FAT3: variants seen among roughly 807,000 people sequenced by gnomAD.
FAT3 encodes FAT atypical cadherin 3, also known as protocadherin Fat 3.
In FAT3, 95 loss-of-function variants were observed where a neutral mutation model predicts 310.2. That is an observed-to-expected ratio of 0.31 (90% CI 0.26 to 0.36). The LOEUF (loss-of-function observed/expected upper bound fraction) is 0.36, where lower values mean the gene tolerates loss of function less well. Ranked by LOEUF, FAT3 falls within the 10% of genes least tolerant of loss-of-function variation. FAT3 has a pLI of 1.00. For missense variants in FAT3, 5,408 were observed against 5,715.6 expected (o/e 0.95, Z 1.74); for synonymous variants, 2,314 against 2,192.9 (o/e 1.06, Z -1.54).
intron 2 of FAT3, among the ~76,000 whole-genome samples, chr11:92,392,365 G>A (rs769016191): frequency 6.6e-6 from 1 of 152,080 alleles, no homozygotes; most frequent in Non-Finnish European, 1.5e-5. Context: ...CTATTTTCAT[G>A]TTTAAGAGAT....
At chr11:92,450,164 C>T (rs1030589663) in intron 2 of FAT3, among the ~76,000 whole-genome samples, 2 of 152,182 alleles carry the variant, frequency 1.3e-5, no homozygotes, top group Admixed American at 1.3e-4. Flanking sequence ...TTGGCAGCCT[C>T]GTTGAGGTTT....
At chr11:92,281,136 G>A (rs1159966626) in intron 1 of FAT3, among the ~76,000 whole-genome samples, 1 of 151,958 alleles carries the variant, frequency 6.6e-6, no homozygotes, top group African/African-American at 2.4e-5. Flanking sequence ...AAAATTTTTT[G>A]ATAAGATAAA....
intron 4 of FAT3, among the ~76,000 whole-genome samples, chr11:92,733,932 A>G (rs924043525): frequency 6.6e-6 from 1 of 152,208 alleles, no homozygotes; most frequent in South Asian, 2.1e-4. Context: ...CTGATATTCA[A>G]TTAACAGAGC....
At chr11:92,857,634 G>A (rs1405113393) in intron 20 of FAT3, among the ~76,000 whole-genome samples, 4 of 152,196 alleles carry the variant, frequency 2.6e-5, no homozygotes, top group East Asian at 1.9e-4. Flanking sequence ...GTGTGAAATT[G>A]TGGAAAATAA....
At chr11:92,242,626 C>T (rs148767610) in intron 1 of FAT3, among the ~76,000 whole-genome samples, 1 of 151,962 alleles carries the variant, frequency 6.6e-6, no homozygotes, top group African/African-American at 2.4e-5. Context: ...TGAAATGAGA[C>T]CTATAGGCAA....
chr11:92,340,796 G>A (rs541654365), intron 1 of FAT3, among the ~76,000 whole-genome samples: 2 of 152,264 alleles, frequency 1.3e-5, no homozygotes, highest in East Asian at 1.9e-4. Context: ...CAGGCAATGT[G>A]GGCTTATATG....
intron 3 of FAT3, among the ~76,000 whole-genome samples, chr11:92,658,323 T>G (rs577632): frequency 0.49 from 74,561 of 152,018 alleles, 18,541 homozygotes; most frequent in African/African-American, 0.52. Flanking sequence ...TTGAACTATT[T>G]AAAATTAAGT....
rs1003800306 is a variant in FAT3, at chr11:92,765,041, G to A, written c.4147G>A (p.Val1383Met). The A allele has an allele frequency of 5.0e-5, 80 of 1,613,594 alleles. No homozygotes were observed. Among genetic ancestry groups the A allele is most frequent in the Non-Finnish European group, 6.5e-5 (77 of 1,179,844 alleles). Residue 1383 changes from valine (V) to methionine (M), a missense_variant, in exon 6 of 28, where the codon GTG becomes ATG. Around this residue, in one of 5 missense-constraint regions of FAT3, gnomAD observed 4,588 missense variants for 4,809.8 expected, o/e 0.95. Transcript: ENST00000525166. ...TGATAGAGTGACTGAAATTGTAGGG[G>A]TGGTGTCTGTGCAGCCAGCTAACAC... ...ESDRVTEIVG[V>M]VSVQPANTPL... is the part of the protein sequence containing the mutation.
intron 3 of FAT3, among the ~76,000 whole-genome samples, chr11:92,678,898 A>G (rs1207825008): frequency 6.6e-6 from 1 of 152,198 alleles, no homozygotes; most frequent in Non-Finnish European, 1.5e-5. Flanking sequence ...GGGTCTATCC[A>G]TCACCCAAAT....
intron 4 of FAT3, among the ~76,000 whole-genome samples, chr11:92,717,454 C>T (rs1039390507): frequency 6.6e-6 from 1 of 152,154 alleles, no homozygotes; most frequent in Admixed American, 6.5e-5. Context: ...CATCATGACT[C>T]ACCCTCCTAC....
At chr11:92,530,404 A>G (rs189795131) in intron 3 of FAT3, among the ~76,000 whole-genome samples, 26 of 152,236 alleles carry the variant, frequency 1.7e-4, no homozygotes, top group African/African-American at 5.3e-4. Flanking sequence ...AAGACAGCAA[A>G]CTTTATGAGT....
At chr11:92,372,313 G>C (rs1386810197) in intron 2 of FAT3, among the ~76,000 whole-genome samples, 1 of 151,750 alleles carries the variant, frequency 6.6e-6, no homozygotes, top group African/African-American at 2.4e-5. Flanking sequence ...GTTCTTATCA[G>C]GGAGTAGGGT....
intron 3 of FAT3, among the ~76,000 whole-genome samples, chr11:92,561,843 C>A (rs1054986782): frequency 6.6e-6 from 1 of 152,094 alleles, no homozygotes; most frequent in Non-Finnish European, 1.5e-5. Flanking sequence ...CCACGCTGAT[C>A]TCGAACACCT....
intron 4 of FAT3, among the ~76,000 whole-genome samples, chr11:92,727,851 C>T (rs1027498867): frequency 6.6e-5 from 10 of 152,242 alleles, no homozygotes; most frequent in South Asian, 6.2e-4. Context: ...TTGCAACCCC[C>T]GTTGCCATTT....
intron 21 of FAT3, 93 bp downstream of exon 21, chr11:92,859,415 T>TAAA: frequency 2.3e-6 from 3 of 1,312,454 alleles, no homozygotes; most frequent in Non-Finnish European, 3.0e-6. Flanking sequence ...TTTTGTCTTT[T>TAAA]AAGTTCAGAA....
Position 92,798,678 on chromosome 11 carries a change from G to A in FAT3, c.5665G>A (p.Glu1889Lys). The change falls in exon 10 of 28, where the codon GAG (glutamate) becomes AAG (lysine). Residue 1889 changes from glutamate (E) to lysine (K), a missense_variant. Physicochemically the swap from Glu to Lys is moderately conservative, Grantham distance 56. Coordinates refer to ENST00000525166, the MANE Select transcript of FAT3 (RefSeq NM_001367949.2). ...NPPVFTQAVF[E>K]TILLLPTYVG... ...ACCTGTTTTTACTCAGGCTGTGTTT[G>A]AGACTATCTTACTTCTACCTACCTA... 1 of 1,613,770 alleles carries A rather than the reference G, an allele frequency of 6.2e-7. No homozygotes were observed. Among genetic ancestry groups the A allele is most frequent in the Non-Finnish European group, 8.5e-7 (1 of 1,179,826 alleles).
intron 2 of FAT3, among the ~76,000 whole-genome samples, chr11:92,396,067 G>T (rs1949862833): frequency 1.3e-5 from 2 of 152,094 alleles, no homozygotes; most frequent in African/African-American, 4.8e-5. Flanking sequence ...TCAGTCATGG[G>T]CACATCCAGA....
intron 13 of FAT3, among the ~76,000 whole-genome samples, chr11:92,821,765 C>T (rs886755209): frequency 6.6e-6 from 1 of 152,174 alleles, no homozygotes; most frequent in African/African-American, 2.4e-5. Flanking sequence ...CCTCCCAAGG[C>T]ATCTGTTAAA....
intron 2 of FAT3, among the ~76,000 whole-genome samples, chr11:92,432,835 G>T (rs899133461): frequency 6.6e-6 from 1 of 152,168 alleles, no homozygotes; most frequent in African/African-American, 2.4e-5. Context: ...TGTGCCCATA[G>T]CTGCCCCTTT....
Sources: gnomAD v4.1 joint callset for allele counts (sites outside exome capture counted in the v4.1 genomes callset) on GRCh38, gnomAD v4.1.1 for gene constraint, gnomAD v4.1.1 regional missense constraint, MANE v1.5 for transcripts, NCBI Gene and HGNC (gene_info 2026-07-23, HGNC 2026-07-21) for gene names.